Variants in KIAA0319 observed in about 807,000 individuals in gnomAD.
KIAA0319 encodes the protein dyslexia-associated protein KIAA0319.
KIAA0319 carries 83 observed loss-of-function variants against 108.4 expected under a neutral mutation model. The ratio of observed to expected loss-of-function variants is 0.77; its 90% CI spans 0.64 to 0.92. The LOEUF (loss-of-function observed/expected upper bound fraction) is 0.92, where lower values mean the gene tolerates loss of function less well. KIAA0319 is among the 40% of genes least tolerant of loss of function. The pLI, the probability that KIAA0319 is intolerant of heterozygous loss-of-function variation, is 0.00. For synonymous variants in KIAA0319, 484 were observed against 510.4 expected, an observed-to-expected ratio of 0.95 and a Z score of 0.70; for missense variants, 1,195 against 1,322.4, an observed-to-expected ratio of 0.90 and a Z score of 1.49.
At chr6:24,563,248 G>T in intron 16 of KIAA0319, 111 bp downstream of exon 16, 2 of 1,249,524 alleles carry the variant, frequency 1.6e-6, no homozygotes, top group Non-Finnish European at 2.2e-6. Context: ...ATAAAAGTGT[G>T]TCAAAAATAC....
At chr6:24,561,955 G>A (rs539001683) in intron 16 of KIAA0319, among the ~76,000 whole-genome samples, 2 of 152,248 alleles carry the variant, frequency 1.3e-5, no homozygotes, top group South Asian at 2.1e-4. Flanking sequence ...TGCCCACCTC[G>A]GCCTCCCAAA....
chr6:24,631,885 C>T (rs1775631808), intron 1 of KIAA0319, among the ~76,000 whole-genome samples: 1 of 152,252 alleles, frequency 6.6e-6, no homozygotes, highest in Non-Finnish European at 1.5e-5. Context: ...TCCGTCCTCT[C>T]CAGGCCCAGA....
At chr6:24,598,071 C>A in intron 2 of KIAA0319, 1 of 400,734 alleles carries the variant, frequency 2.5e-6, no homozygotes, top group Admixed American at 3.2e-5. Context: ...CCTGGGCCTT[C>A]AGCAGCCACT....
At chr6:24,562,975 C>A (rs558497236) in intron 16 of KIAA0319, among the ~76,000 whole-genome samples, 31 of 152,276 alleles carry the variant, frequency 2.0e-4, no homozygotes, top group African/African-American at 7.2e-4. Flanking sequence ...AATCAGTGAT[C>A]CTTTCACATT....
chr6:24,595,216 C>T (rs1769276997), intron 3 of KIAA0319, among the ~76,000 whole-genome samples: 1 of 152,096 alleles, frequency 6.6e-6, no homozygotes, highest in Admixed American at 6.5e-5. Flanking sequence ...TATGTGCTGG[C>T]CCCAGGGACT....
intron 11 of KIAA0319, among the ~76,000 whole-genome samples, chr6:24,571,516 G>A (rs1180109496): frequency 6.6e-6 from 1 of 152,112 alleles, no homozygotes; most frequent in South Asian, 2.1e-4. Context: ...GAGTACTTGG[G>A]TGACCATACA....
chr6:24,585,791 T>C (rs1252239969), intron 4 of KIAA0319, among the ~76,000 whole-genome samples: 1 of 152,110 alleles, frequency 6.6e-6, no homozygotes, highest in Non-Finnish European at 1.5e-5. Flanking sequence ...CTCCCTAAAA[T>C]GTATAAAACC....
intron 1 of KIAA0319, among the ~76,000 whole-genome samples, chr6:24,608,818 C>G (rs59280630): frequency 1.4e-5 from 2 of 148,036 alleles, no homozygotes; most frequent in Admixed American, 1.4e-4. Context: ...GTAGTCCCAG[C>G]TACTTGGGAG....
intron 20 of KIAA0319, among the ~76,000 whole-genome samples, chr6:24,550,340 T>C (rs1225401391): frequency 6.6e-6 from 1 of 152,222 alleles, no homozygotes; most frequent in Non-Finnish European, 1.5e-5. Context: ...CATTCAACAC[T>C]CACTGTGAAC....
intron 1 of KIAA0319, among the ~76,000 whole-genome samples, chr6:24,626,540 AG>A (rs1774746657): frequency 6.6e-6 from 1 of 152,172 alleles, no homozygotes; most frequent in Non-Finnish European, 1.5e-5. Flanking sequence ...TCAAAAAAAA[AG>A]GGGGTGAAAC....
chr6:24,601,241 A>G (rs1770582592), intron 1 of KIAA0319, 33 bp from the exon 2 acceptor site: 1 of 1,513,944 alleles, frequency 6.6e-7, no homozygotes. Context: ...AGGAAGGAAG[A>G]AAAGAATAGG....
Position 24,556,658 on chromosome 6 carries a change from A to G in KIAA0319, c.2806T>C (p.Trp936Arg). Residue 936 changes from tryptophan to arginine, a missense_variant, in exon 18 of 21, where the codon TGG (tryptophan) becomes CGG (arginine). By Grantham distance (101) the Trp-to-Arg change is moderately radical (BLOSUM62 -3). Transcript: ENST00000378214. ...LTKRCICSHLWMENLIQRYIW... is the reference protein window; with the variant it reads ...LTKRCICSHLRMENLIQRYIW... ...TAACGCTGTATAAGGTTCTCCATCC[A>G]TAAGTGAGAGCAAATGCAGCGCTTT... 4 of 1,614,080 alleles carry G rather than the reference A, an allele frequency of 2.5e-6. No homozygotes were observed. The highest frequency in any genetic ancestry group is 1.1e-5 in the South Asian group (1 of 91,060).
chr6:24,637,607 T>C (rs1214683113), intron 1 of KIAA0319, among the ~76,000 whole-genome samples: 1 of 152,188 alleles, frequency 6.6e-6, no homozygotes, highest in Non-Finnish European at 1.5e-5. Context: ...TAATGGAGCT[T>C]ATGTTGAGAA....
At position 24,646,112 on chromosome 6, in the gene KIAA0319, A is replaced by C. The variant is rs951730119; in HGVS notation, c.-482T>G. 6.6e-6 allele frequency: 1 copy of C among 152,270 alleles called. No individual in the cohort carries two copies. The highest frequency in any genetic ancestry group is 2.4e-5 in the African/African-American group (1 of 41,424). 9.4% of individuals were successfully genotyped at this position (152,270 alleles called of 1,614,324 possible). The stretch of plus-strand genomic sequence containing the variant: ...CCGCCGAGGGCAGCACAGGTGGAGC[A>C]AGGTTGCACCCCCGGGGGATCCCCG... On this transcript the variant is annotated 5_prime_UTR_variant, in exon 1 of 21. Coordinates refer to ENST00000378214, the MANE Select transcript of KIAA0319 (RefSeq NM_014809.4).
downstream of KIAA0319, among the ~76,000 whole-genome samples, chr6:24,543,911 C>G (rs1179370766): frequency 6.6e-6 from 1 of 152,202 alleles, no homozygotes; most frequent in African/African-American, 2.4e-5. Flanking sequence ...TGAGCATGCT[C>G]AGTTCTTCCG....
intron 3 of KIAA0319, among the ~76,000 whole-genome samples, chr6:24,593,233 A>G (rs1043290603): frequency 4.6e-5 from 7 of 152,006 alleles, no homozygotes; most frequent in Admixed American, 6.6e-5. Flanking sequence ...ATTTCAATAT[A>G]TTTTTTAACC....
chr6:24,585,120 A>G (rs1049912144), intron 4 of KIAA0319, among the ~76,000 whole-genome samples: 1 of 152,170 alleles, frequency 6.6e-6, no homozygotes, highest in African/African-American at 2.4e-5. Flanking sequence ...AAGCTTTGCA[A>G]TCCTCACCAC....
rs931570885 is a variant in KIAA0319, at chr6:24,599,437, G to T, written c.55+1612C>A. On this transcript the variant is annotated intron_variant, in intron 2 of 20. Transcript: ENST00000378214. The surrounding 1 kb of genome is among the most constrained non-coding windows in gnomAD (Gnocchi z 4.1). ...TCCAAGCTGGAGGCCACCCTGCAGT[G>T]GGCCATGCAGGACATGGCATGGCAG... The T allele has an allele frequency of 1.3e-5, 7 of 552,346 alleles. No homozygotes were observed. Among genetic ancestry groups the T allele is most frequent in the Admixed American group, 6.1e-5 (3 of 49,202 alleles). The allele number at this position is 552,346 out of a possible 1,614,324, so 34.2% of individuals were successfully genotyped here. A position where few individuals can be genotyped will look rare whatever the true frequency, so the allele number is the denominator to read the frequency against.
Position 24,546,228 on chromosome 6 carries a change from G to A in KIAA0319, c.*937C>T, listed in dbSNP as rs948514134. 1.3e-5 allele frequency: 2 copies of A among 152,058 alleles called. No individual in the cohort carries two copies. Among genetic ancestry groups the A allele is most frequent in the Middle Eastern group, 3.2e-3 (1 of 316 alleles). The allele number at this position is 152,058 out of a possible 1,614,324, so 9.4% of individuals were successfully genotyped here. ...ATCATAACCACGCCATCCAAGTTAA[G>A]ACTGACTGTATTTCAGAGTTTTGGA... is the stretch of plus-strand genomic sequence containing the variant. On this transcript the variant is annotated 3_prime_UTR_variant, in exon 21 of 21. Coordinates refer to ENST00000378214, the MANE Select transcript of KIAA0319 (RefSeq NM_014809.4).
Sources: gnomAD v4.1 joint callset for allele counts (sites outside exome capture counted in the v4.1 genomes callset) on GRCh38, gnomAD v4.1.1 for gene constraint, Gnocchi (gnomAD v3.1) non-coding constraint, MANE v1.5 for transcripts, NCBI Gene and HGNC (gene_info 2026-07-23, HGNC 2026-07-21) for gene names.